CNTNAP2: variants seen among roughly 807,000 people sequenced by gnomAD.
CNTNAP2 encodes contactin associated protein 2, also known as contactin-associated protein-like 2.
CNTNAP2 carries 98 observed loss-of-function variants against 155.2 expected under a neutral mutation model. The observed-to-expected ratio is 0.63, with a 90% CI of 0.54 to 0.75. The LOEUF is 0.75. Among genes scored for constraint, CNTNAP2 ranks in the 30% least tolerant of loss-of-function variants. The probability of loss-of-function intolerance (pLI) is 0.00; values close to 1 mark genes in which losing one functional copy is unlikely to be tolerated. For missense variants in CNTNAP2, 1,727 were observed against 1,688.1 expected (o/e 1.02, Z -0.40); for synonymous variants, 651 against 631.2 (o/e 1.03, Z -0.47).
intron 13 of CNTNAP2, chr7:147,672,360 G>C (rs892890112): frequency 1.3e-5 from 2 of 152,162 alleles, no homozygotes; most frequent in South Asian, 2.1e-4. Flanking sequence ...CCCATTATCA[G>C]AAGCTTTAGA....
chr7:146,172,539 C>G (rs1238269307), intron 1 of CNTNAP2, among the ~76,000 whole-genome samples: 1 of 151,982 alleles, frequency 6.6e-6, no homozygotes, highest in Non-Finnish European at 1.5e-5. Context: ...TCTCCTCTTT[C>G]TTGTTTTCAT....
intron 8 of CNTNAP2, among the ~76,000 whole-genome samples, chr7:147,144,721 G>C (rs2129288032): frequency 6.6e-6 from 1 of 152,256 alleles, no homozygotes; most frequent in East Asian, 1.9e-4. Flanking sequence ...TATATGTATT[G>C]TTTTACTGCC....
chr7:147,775,584 TCAGAAAAG>T (rs879919777), intron 13 of CNTNAP2, among the ~76,000 whole-genome samples: 1,961 of 150,804 alleles, frequency 0.013, 101 homozygotes, highest in Admixed American at 0.089. Flanking sequence ...ATTGTGGGGA[TCAGAAAAG>T]TCAAAAAGAG....
intron 3 of CNTNAP2, among the ~76,000 whole-genome samples, chr7:147,020,294 A>T (rs1461700956): frequency 1.3e-5 from 2 of 152,118 alleles, no homozygotes; most frequent in Non-Finnish European, 2.9e-5. Flanking sequence ...GTTGTTCTAT[A>T]GACTTTATTG....
At chr7:146,453,724 T>A (rs1038704610) in intron 1 of CNTNAP2, among the ~76,000 whole-genome samples, 1 of 151,948 alleles carries the variant, frequency 6.6e-6, no homozygotes, top group Non-Finnish European at 1.5e-5. Context: ...AAATTAGAGG[T>A]ACAGAAGATA....
At chr7:147,322,143 T>A (rs1174647221) in intron 9 of CNTNAP2, among the ~76,000 whole-genome samples, 1 of 152,172 alleles carries the variant, frequency 6.6e-6, no homozygotes, top group East Asian at 1.9e-4. Flanking sequence ...TCAAAAGATA[T>A]GGGGTGATTC....
At chr7:148,413,401 A>AAAATATATATAT (rs1442990213) in intron 23 of CNTNAP2, among the ~76,000 whole-genome samples, 1 of 45,376 alleles carries the variant, frequency 2.2e-5, no homozygotes, top group African/African-American at 1.3e-4. Flanking sequence ...TCAAAAAAAA[A>AAAATATATATAT]ATATATATAT....
rs894957361 is a variant in CNTNAP2 at position 147,277,229 on chromosome 7, A to G, written c.1349-22912A>G. On this transcript the variant is annotated intron_variant, in intron 8 of 23. Coordinates refer to ENST00000361727, the MANE Select transcript of CNTNAP2 (RefSeq NM_014141.6). ...ATCAAGTTCATGCATGAGTAGCTGA[A>G]ATATAAATAGGAACATTTAAGACTG... is the stretch of plus-strand genomic sequence containing the variant. Among the ~76,000 whole-genome samples, 9 of 152,026 alleles carry G rather than the reference A, an allele frequency of 5.9e-5. 1 individual carries two copies. The highest frequency in any genetic ancestry group is 1.9e-4 in the African/African-American group (8 of 41,436).
At chr7:147,713,064 G>A (rs149234408) in intron 13 of CNTNAP2, among the ~76,000 whole-genome samples, 2,512 of 152,112 alleles carry the variant, frequency 0.017, 223 homozygotes, top group Admixed American at 0.15. Context: ...GCTAGTACAC[G>A]TGATTCTCTA....
chr7:147,761,720 G>C (rs567628935), intron 13 of CNTNAP2, among the ~76,000 whole-genome samples: 1 of 152,220 alleles, frequency 6.6e-6, no homozygotes, highest in East Asian at 1.9e-4. Context: ...GGAGAGGATG[G>C]TAATAATTGT....
At chr7:147,230,529 A>G (rs1274020670) in intron 8 of CNTNAP2, among the ~76,000 whole-genome samples, 1 of 152,240 alleles carries the variant, frequency 6.6e-6, no homozygotes, top group Non-Finnish European at 1.5e-5. Context: ...GATTGCAGGC[A>G]TGAACCATGG....
At chr7:147,234,423 C>T (rs377094201) in intron 8 of CNTNAP2, among the ~76,000 whole-genome samples, 3 of 147,624 alleles carry the variant, frequency 2.0e-5, no homozygotes, top group Non-Finnish European at 4.4e-5. Context: ...CTGCAAGCTC[C>T]GCCTCCCAGG....
chr7:147,239,229 C>A (rs371895000), intron 8 of CNTNAP2, among the ~76,000 whole-genome samples: 1 of 151,954 alleles, frequency 6.6e-6, no homozygotes, highest in African/African-American at 2.4e-5. Context: ...TGCTCACTTT[C>A]GGGTGTGGTG....
At chr7:147,590,105 T>C (rs983765770) in intron 12 of CNTNAP2, among the ~76,000 whole-genome samples, 6 of 152,196 alleles carry the variant, frequency 3.9e-5, no homozygotes, top group African/African-American at 9.6e-5. Context: ...CTTCTGCTTC[T>C]TTCCAACCAT....
chr7:147,765,912 T>C (rs1797375481), intron 13 of CNTNAP2, among the ~76,000 whole-genome samples: 1 of 152,216 alleles, frequency 6.6e-6, no homozygotes, highest in South Asian at 2.1e-4. Context: ...AACAAACTGC[T>C]GACATTGGTT....
intron 1 of CNTNAP2, among the ~76,000 whole-genome samples, chr7:146,460,185 C>A (rs1796615922): frequency 6.6e-6 from 1 of 152,136 alleles, no homozygotes; most frequent in Admixed American, 6.6e-5. Context: ...TTGAAATTGT[C>A]AGGAGAATGA....
At chr7:147,988,185 A>T (rs1801651856) in intron 15 of CNTNAP2, among the ~76,000 whole-genome samples, 1 of 152,192 alleles carries the variant, frequency 6.6e-6, no homozygotes, top group Admixed American at 6.5e-5. Flanking sequence ...GACTGATAGA[A>T]ATGGAATGTT....
chr7:147,011,405 T>C (rs1438917155), intron 3 of CNTNAP2, among the ~76,000 whole-genome samples: 3 of 108,948 alleles, frequency 2.8e-5, no homozygotes, highest in African/African-American at 1.2e-4. Context: ...GACAACTGAA[T>C]GACACTCCAT....
At chr7:147,798,199 G>A (rs1797932054) in intron 13 of CNTNAP2, among the ~76,000 whole-genome samples, 1 of 152,138 alleles carries the variant, frequency 6.6e-6, no homozygotes, top group South Asian at 2.1e-4. Flanking sequence ...TGTAACTTGA[G>A]TAGGTTTGGC....
Sources: gnomAD v4.1 joint callset for allele counts (sites outside exome capture counted in the v4.1 genomes callset) on GRCh38, gnomAD v4.1.1 for gene constraint, MANE v1.5 for transcripts, NCBI Gene and HGNC (gene_info 2026-07-23, HGNC 2026-07-21) for gene names.